INSC: variants seen among roughly 807,000 people sequenced by gnomAD.
The protein encoded by INSC is protein inscuteable homolog.
In INSC, 67 loss-of-function variants were observed where a neutral mutation model predicts 58.6. The observed-to-expected ratio is 1.14, with a 90% CI of 0.94 to 1.40. The LOEUF is 1.40. INSC is among the 40% of genes most tolerant of loss of function. The pLI, the probability that INSC is intolerant of heterozygous loss-of-function variation, is 0.00. For synonymous variants in INSC, 262 were observed against 276.1 expected (o/e 0.95, Z 0.51); for missense variants, 714 against 692.0 (o/e 1.03, Z -0.36).
chr11:15,154,821 A>G (rs911393626), intron 2 of INSC, among the ~76,000 whole-genome samples: 6 of 152,206 alleles, frequency 3.9e-5, no homozygotes, highest in African/African-American at 1.4e-4. Flanking sequence ...TTGGACAAAA[A>G]TAACCCATGT....
chr11:15,134,113 G>A (rs1374354768), intron 1 of INSC, among the ~76,000 whole-genome samples: 1 of 152,178 alleles, frequency 6.6e-6, no homozygotes, highest in Non-Finnish European at 1.5e-5. Flanking sequence ...TTAAAATGGG[G>A]ATAATAGTAG....
chr11:15,245,797 A>T, intron 12 of INSC, 115 bp from the exon 13 acceptor site: 1 of 1,395,782 alleles, frequency 7.2e-7, no homozygotes, highest in Non-Finnish European at 9.7e-7. Context: ...ATCAACCCAA[A>T]TTGTCTGGTA....
At chr11:15,119,678 G>T (rs1323562640) in intron 1 of INSC, among the ~76,000 whole-genome samples, 8 of 152,240 alleles carry the variant, frequency 5.3e-5, no homozygotes, top group Admixed American at 5.2e-4. Flanking sequence ...TTGTGGGCCT[G>T]TGTGTGGTGC....
the INSC span, among the ~76,000 whole-genome samples, chr11:15,255,846 T>C: frequency 1.3e-5 from 2 of 152,076 alleles, no homozygotes; most frequent in Non-Finnish European, 2.9e-5. Context: ...AAGGGGTCTA[T>C]AAAGGGATAA....
chr11:15,206,610 G>A (rs1015174805), intron 7 of INSC, among the ~76,000 whole-genome samples: 7 of 152,156 alleles, frequency 4.6e-5, no homozygotes, highest in Non-Finnish European at 1.0e-4. Context: ...TGGTCAGGGT[G>A]GACTGCTGAG....
intron 5 of INSC, among the ~76,000 whole-genome samples, chr11:15,187,225 A>G (rs1411328598): frequency 6.6e-6 from 1 of 152,124 alleles, no homozygotes; most frequent in Non-Finnish European, 1.5e-5. Flanking sequence ...AAGGCCTTTT[A>G]TGACCTGGCC....
chr11:15,114,671 C>T (rs908086302), upstream of INSC, among the ~76,000 whole-genome samples: 1 of 152,222 alleles, frequency 6.6e-6, no homozygotes, highest in African/African-American at 2.4e-5. Flanking sequence ...ACCGCGTCCC[C>T]ATTCCAGCGC....
At chr11:15,112,514 A>C, upstream of INSC, 1 of 1,612,326 alleles carries the variant, frequency 6.2e-7, no homozygotes, top group Non-Finnish European at 8.5e-7. Flanking sequence ...GCGAAGGTCC[A>C]GGTGGCTGGG....
chr11:15,191,567 TGTCTCAAACCCA>T (rs1850179427), intron 6 of INSC, among the ~76,000 whole-genome samples: 1 of 152,196 alleles, frequency 6.6e-6, no homozygotes, highest in Non-Finnish European at 1.5e-5. Flanking sequence ...AGACATGGGA[TGTCTCAAACCCA>T]GTTGAAAGAA....
intron 11 of INSC, 74 bp downstream of exon 11, chr11:15,239,148 T>G: frequency 2.0e-6 from 3 of 1,513,800 alleles, no homozygotes; most frequent in Non-Finnish European, 2.7e-6. Flanking sequence ...GATTTCACAG[T>G]GGCAACAGTG....
At chr11:15,183,957 A>G (rs1262063311) in intron 5 of INSC, among the ~76,000 whole-genome samples, 2 of 152,232 alleles carry the variant, frequency 1.3e-5, no homozygotes, top group Non-Finnish European at 2.9e-5. Context: ...GCTAGCAGTT[A>G]TGCTAATTAG....
In INSC at chr11:15,169,115, C is replaced by G. The variant is rs147564287; in HGVS notation, c.57-6626C>G. On this transcript the variant is annotated intron_variant, in intron 2 of 12. Coordinates refer to ENST00000379556, the MANE Select transcript of INSC (RefSeq NM_001042536.3). The stretch of plus-strand genomic sequence containing the variant: ...AATAGGCTACTCAGTCCCAAGGAAG[C>G]TGTGGCTCAAGGCCTGTCTGTTAAG... 9.6e-3 allele frequency among the ~76,000 whole-genome samples: 1,457 copies of G among 152,190 alleles called. 12 individuals carry two copies. The highest frequency in any genetic ancestry group is 0.028 in the South Asian group (133 of 4,816).
chr11:15,220,252 G>A (rs896328095), intron 7 of INSC, among the ~76,000 whole-genome samples: 3 of 152,048 alleles, frequency 2.0e-5, no homozygotes, highest in African/African-American at 2.4e-5. Context: ...GAATGAGCAC[G>A]GGCTGCTCCT....
intron 1 of INSC, among the ~76,000 whole-genome samples, chr11:15,116,791 TTTTCTTTTC>T (rs1847707578): frequency 6.9e-6 from 1 of 145,204 alleles, no homozygotes; most frequent in African/African-American, 2.6e-5. Context: ...CCTTCCTTTC[TTTTCTTTTC>T]TTTCTTTTCT....
At chr11:15,233,111 T>C (rs1269521660) in intron 9 of INSC, among the ~76,000 whole-genome samples, 1 of 152,212 alleles carries the variant, frequency 6.6e-6, no homozygotes, top group Non-Finnish European at 1.5e-5. Flanking sequence ...AGGATTTAGA[T>C]GTAGGTTGAG....
chr11:15,188,097 G>A, intron 5 of INSC: 1 of 770,276 alleles, frequency 1.3e-6, no homozygotes, highest in Non-Finnish European at 1.6e-6. Flanking sequence ...CCACAGTCAT[G>A]CTGTGCTCAG....
At chr11:15,174,083 T>A (rs1351337198) in intron 2 of INSC, among the ~76,000 whole-genome samples, 2 of 149,642 alleles carry the variant, frequency 1.3e-5, no homozygotes. Flanking sequence ...ACCTCATTGC[T>A]CTCAACTCAT....
chr11:15,205,835 C>T (rs1231304491), intron 7 of INSC, among the ~76,000 whole-genome samples: 1 of 152,108 alleles, frequency 6.6e-6, no homozygotes, highest in Non-Finnish European at 1.5e-5. Flanking sequence ...GATAGCTGGT[C>T]CTTCTGAGGC....
intron 6 of INSC, among the ~76,000 whole-genome samples, chr11:15,194,557 T>C (rs1390991985): frequency 6.6e-6 from 1 of 152,254 alleles, no homozygotes; most frequent in African/African-American, 2.4e-5. Flanking sequence ...GCTTGTCAAC[T>C]CTTGTGAGTG....
Sources: allele counts gnomAD v4.1 joint callset (sites outside exome capture counted in the v4.1 genomes callset), GRCh38; gene constraint gnomAD v4.1.1; transcripts MANE v1.5; gene names NCBI Gene and HGNC (gene_info 2026-07-23, HGNC 2026-07-21).